Variants in FER observed in about 807,000 individuals in gnomAD.
FER encodes the protein FER tyrosine kinase.
Under a neutral mutation model 111.0 loss-of-function variants are expected in FER, and 63 were observed. The ratio of observed to expected loss-of-function variants is 0.57; its 90% CI spans 0.46 to 0.70. The LOEUF (loss-of-function observed/expected upper bound fraction) is 0.70, where lower values mean the gene tolerates loss of function less well. FER is among the 30% of genes least tolerant of loss of function. The pLI, the probability that FER is intolerant of heterozygous loss-of-function variation, is 0.00. For synonymous variants in FER, 327 were observed against 313.9 expected (o/e 1.04, Z -0.44); for missense variants, 914 against 954.0 (o/e 0.96, Z 0.55).
chr5:108,962,586 C>T (rs779090332), intron 13 of FER, among the ~76,000 whole-genome samples: 3 of 152,148 alleles, frequency 2.0e-5, no homozygotes, highest in Non-Finnish European at 4.4e-5. Context: ...TTTCCAGTGT[C>T]TCGAAGAGTG....
intron 16 of FER, among the ~76,000 whole-genome samples, chr5:109,068,109 C>G (rs1452308422): frequency 1.3e-5 from 2 of 151,770 alleles, no homozygotes; most frequent in South Asian, 2.1e-4. Context: ...GTCAGAATTT[C>G]TTTAGAAAAC....
intron 3 of FER, among the ~76,000 whole-genome samples, chr5:108,831,718 T>G (rs1760065550): frequency 6.6e-6 from 1 of 152,246 alleles, no homozygotes; most frequent in African/African-American, 2.4e-5. Flanking sequence ...GAATTTGCTT[T>G]CTTTAGGCTA....
At chr5:109,140,022 A>T (rs1753353474) in intron 17 of FER, among the ~76,000 whole-genome samples, 1 of 152,246 alleles carries the variant, frequency 6.6e-6, no homozygotes, top group South Asian at 2.1e-4. Flanking sequence ...AATTGCGAAT[A>T]TCTTTAGTGC....
chr5:108,808,955 A>G (rs1044455709), intron 3 of FER, among the ~76,000 whole-genome samples: 21 of 152,208 alleles, frequency 1.4e-4, no homozygotes, highest in African/African-American at 5.1e-4. Context: ...TGAGAAGTCC[A>G]CTGTTGGCCT....
chr5:109,047,326 A>G, intron 16 of FER, 128 bp downstream of exon 16: 1 of 589,796 alleles, frequency 1.7e-6, no homozygotes, highest in Admixed American at 3.5e-5. Context: ...TCCAGATAAC[A>G]AAAGAGTCTG....
At chr5:109,112,209 A>G (rs1317032399) in intron 17 of FER, among the ~76,000 whole-genome samples, 1 of 152,156 alleles carries the variant, frequency 6.6e-6, no homozygotes, top group Non-Finnish European at 1.5e-5. Context: ...ATGGCAGTTC[A>G]AATTATAGTA....
intron 13 of FER, among the ~76,000 whole-genome samples, chr5:108,983,113 A>G (rs1762182723): frequency 6.6e-6 from 1 of 152,072 alleles, no homozygotes; most frequent in South Asian, 2.1e-4. Flanking sequence ...GTGAATTGAT[A>G]AATTGAATAA....
intron 5 of FER, among the ~76,000 whole-genome samples, chr5:108,852,918 A>T (rs538454927): frequency 6.6e-6 from 1 of 152,160 alleles, no homozygotes; most frequent in Non-Finnish European, 1.5e-5. Context: ...GGAATATGCT[A>T]TATGATTCAT....
chr5:108,999,328 A>G (rs924596752), intron 13 of FER, among the ~76,000 whole-genome samples: 2 of 152,190 alleles, frequency 1.3e-5, no homozygotes, highest in African/African-American at 2.4e-5. Context: ...AACATTTAAA[A>G]AATTATATTC....
intron 18 of FER, among the ~76,000 whole-genome samples, chr5:109,184,918 T>C (rs1758693943): frequency 6.6e-6 from 1 of 152,186 alleles, no homozygotes; most frequent in South Asian, 2.1e-4. Flanking sequence ...GAGGAGTATT[T>C]ATAAATCCTG....
chr5:108,871,453 G>C lies in FER; in HGVS notation c.754G>C (p.Glu252Gln), dbSNP rs777684576. ...CCATAAAGAGATTCAAATGTCGGTT[G>C]AACAGATAGATCCTAGTACAGAATA... is the stretch of plus-strand genomic sequence containing the variant. Reference protein sequence around the residue: ...NVHKEIQMSVEQIDPSTEYNN... With the variant: ...NVHKEIQMSVQQIDPSTEYNN... The change falls in exon 7 of 20, where the codon GAA becomes CAA. Residue 252 changes from glutamate (E) to glutamine (Q), a missense_variant. Physicochemically the swap from Glu to Gln is conservative, Grantham distance 29. Around this residue, in one of 3 missense-constraint regions of FER, gnomAD observed 774 missense variants for 782.6 expected, o/e 0.99. Transcript: ENST00000281092. The C allele has an allele frequency of 2.5e-6, 4 of 1,611,666 alleles. No individual in the cohort carries two copies. The highest frequency in any genetic ancestry group is 3.4e-6 in the Non-Finnish European group (4 of 1,178,320).
intron 1 of FER, among the ~76,000 whole-genome samples, chr5:108,763,751 T>C (rs767997958): frequency 3.3e-5 from 5 of 152,174 alleles, no homozygotes; most frequent in African/African-American, 4.8e-5. Flanking sequence ...TGCAGGAACA[T>C]GAGAAATGCA....
chr5:109,044,686 T>G lies in FER; in HGVS notation c.1720T>G (p.Phe574Val), dbSNP rs1197875609. The change falls in exon 15 of 20, where the codon TTT (phenylalanine) becomes GTT (valine). Residue 574 changes from phenylalanine (F) to valine (V), a missense_variant. This residue lies in a region of FER where 774 missense variants were observed against 782.6 expected (regional missense o/e 0.99). Coordinates refer to ENST00000281092, the MANE Select transcript of FER (RefSeq NM_005246.4). ...ILGELLGKGNFGEVYKGTLKD... is the reference protein window; with the variant it reads ...ILGELLGKGNVGEVYKGTLKD... ...AATGTATTTCTATTTTCAGGGAAAT[T>G]TTGGTGAAGTATATAAGGGCACATT... 6.6e-7 allele frequency: 1 copy of G among 1,504,218 alleles called. No homozygotes were observed. The highest frequency in any genetic ancestry group is 9.0e-7 in the Non-Finnish European group (1 of 1,112,622). 93.2% of individuals were successfully genotyped at this position (1,504,218 alleles called of 1,614,324 possible). A position where few individuals can be genotyped will look rare whatever the true frequency, so the allele number is the denominator to read the frequency against.
intron 5 of FER, among the ~76,000 whole-genome samples, chr5:108,841,440 A>T (rs548069123): frequency 2.9e-4 from 44 of 152,316 alleles, no homozygotes; most frequent in Non-Finnish European, 5.7e-4. Flanking sequence ...ATATATTTTT[A>T]AAAACTTTTA....
intron 10 of FER, among the ~76,000 whole-genome samples, chr5:108,923,482 A>G (rs1753310373): frequency 6.6e-6 from 1 of 152,014 alleles, no homozygotes; most frequent in Admixed American, 6.5e-5. Context: ...TATTTTTCTT[A>G]TTTGGTTTCA....
chr5:109,097,130 T>C (rs1240043384), intron 16 of FER, among the ~76,000 whole-genome samples: 1 of 151,766 alleles, frequency 6.6e-6, no homozygotes, highest in Non-Finnish European at 1.5e-5. Flanking sequence ...ATTAAATGTC[T>C]GTTTTCCAGA....
At chr5:108,880,483 CA>C (rs1309196807) in intron 8 of FER, among the ~76,000 whole-genome samples, 3 of 152,016 alleles carry the variant, frequency 2.0e-5, no homozygotes, top group Non-Finnish European at 4.4e-5. Context: ...GTTGGAACAG[CA>C]AAGCATTATG....
At chr5:109,029,183 G>A (rs1047749075) in intron 13 of FER, among the ~76,000 whole-genome samples, 2 of 136,236 alleles carry the variant, frequency 1.5e-5, no homozygotes, top group Admixed American at 1.4e-4. Flanking sequence ...GTAGAGCTCT[G>A]TTTAGTTTTG....
intron 17 of FER, among the ~76,000 whole-genome samples, chr5:109,130,512 A>G (rs1401092469): frequency 6.6e-6 from 1 of 152,162 alleles, no homozygotes; most frequent in East Asian, 1.9e-4. Context: ...ACAGAAACAA[A>G]ATAAAATGAT....
Sources: gnomAD v4.1 joint callset for allele counts (sites outside exome capture counted in the v4.1 genomes callset) on GRCh38, gnomAD v4.1.1 for gene constraint, gnomAD v4.1.1 regional missense constraint, MANE v1.5 for transcripts, NCBI Gene and HGNC (gene_info 2026-07-23, HGNC 2026-07-21) for gene names.